Variants in PLXDC2 observed in about 807,000 individuals in gnomAD.
PLXDC2 encodes plexin domain containing 2.
PLXDC2 carries 40 observed loss-of-function variants against 68.9 expected under a neutral mutation model. The observed-to-expected ratio is 0.58, with a 90% confidence interval of 0.45 to 0.76. PLXDC2 has a LOEUF of 0.76. Among genes scored for constraint, PLXDC2 ranks in the 30% least tolerant of loss-of-function variants. The pLI is 0.00. For synonymous variants in PLXDC2, 243 were observed against 234.2 expected, an observed-to-expected ratio of 1.04 and a Z score of -0.34; for missense variants, 644 against 661.9, an observed-to-expected ratio of 0.97 and a Z score of 0.30.
chr10:20,261,061 G>A (rs1392993307), intron 13 of PLXDC2, among the ~76,000 whole-genome samples: 21 of 152,040 alleles, frequency 1.4e-4, no homozygotes, highest in Admixed American at 1.4e-3. Context: ...TTTATATTGA[G>A]TTGTGTGAGT....
chr10:20,167,693 A>G (rs1010526549), intron 7 of PLXDC2, among the ~76,000 whole-genome samples: 2 of 152,066 alleles, frequency 1.3e-5, no homozygotes, highest in Admixed American at 6.6e-5. Flanking sequence ...TATTCTATTA[A>G]TCATTTTAGT....
chr10:19,910,683 A>C (rs1833253973), intron 1 of PLXDC2, among the ~76,000 whole-genome samples: 1 of 146,712 alleles, frequency 6.8e-6, no homozygotes, highest in South Asian at 2.1e-4. Flanking sequence ...AGAACATTCC[A>C]TGCCTATCCC....
chr10:19,970,849 C>A (rs1002549381), intron 1 of PLXDC2, among the ~76,000 whole-genome samples: 1 of 152,148 alleles, frequency 6.6e-6, no homozygotes, highest in Middle Eastern at 3.2e-3. Flanking sequence ...TGGTGTTGCA[C>A]TGATGCCCCT....
chr10:20,267,188 C>T (rs190341737), intron 13 of PLXDC2, among the ~76,000 whole-genome samples: 13 of 152,086 alleles, frequency 8.5e-5, no homozygotes, highest in Middle Eastern at 3.4e-3. Context: ...ATGCATAAAG[C>T]GAAAGTGGTG....
chr10:20,253,050 A>G (rs1046170505), intron 13 of PLXDC2, among the ~76,000 whole-genome samples: 1 of 152,036 alleles, frequency 6.6e-6, no homozygotes, highest in Non-Finnish European at 1.5e-5. Flanking sequence ...ATAAATAAAA[A>G]AAGACTGCTC....
In PLXDC2 at chr10:19,831,649, G is replaced by A. The variant is rs148285586; in HGVS notation, c.112+14458G>A. On this transcript the variant is annotated intron_variant, in intron 1 of 13. Coordinates refer to ENST00000377252, the MANE Select transcript of PLXDC2 (RefSeq NM_032812.9). ...CTCTTTGTGCCCATGTGTTCTCATC[G>A]TTTAGCTCCCACTTATAAGTAAGAA... is the stretch of plus-strand genomic sequence containing the variant. Among the ~76,000 whole-genome samples, 464 of 152,128 alleles carry A rather than the reference G, an allele frequency of 3.1e-3. 2 individuals are homozygous for A. Among genetic ancestry groups the A allele is most frequent in the African/African-American group, 0.011 (443 of 41,520 alleles).
At chr10:20,223,323 T>TTC (rs1332080048) in intron 12 of PLXDC2, among the ~76,000 whole-genome samples, 1 of 150,402 alleles carries the variant, frequency 6.6e-6, no homozygotes, top group Non-Finnish European at 1.5e-5. Context: ...TTTTTTTTTT[T>TTC]TTTTTTTGAG....
intron 2 of PLXDC2, among the ~76,000 whole-genome samples, chr10:20,004,341 A>G (rs1344884520): frequency 6.6e-6 from 1 of 152,222 alleles, no homozygotes; most frequent in Non-Finnish European, 1.5e-5. Flanking sequence ...CAGAAGTCTT[A>G]TGATATCTAT....
intron 4 of PLXDC2, among the ~76,000 whole-genome samples, chr10:20,142,802 G>GA (rs912417007): frequency 2.3e-4 from 32 of 141,094 alleles, no homozygotes; most frequent in Middle Eastern, 3.8e-3. Context: ...CAACTTTCAA[G>GA]AAAAAAAAAA....
intron 2 of PLXDC2, among the ~76,000 whole-genome samples, chr10:20,005,573 A>C (rs1835013455): frequency 6.6e-6 from 1 of 152,164 alleles, no homozygotes; most frequent in Non-Finnish European, 1.5e-5. Context: ...TGGCTCCAGC[A>C]TCTGCTTGGC....
At chr10:19,904,329 G>A (rs1589528697) in intron 1 of PLXDC2, among the ~76,000 whole-genome samples, 1 of 151,912 alleles carries the variant, frequency 6.6e-6, no homozygotes, top group East Asian at 1.9e-4. Context: ...CATTTCTCAG[G>A]TCTAGTAGTA....
chr10:20,034,375 A>T (rs1835546149), intron 2 of PLXDC2, among the ~76,000 whole-genome samples: 6 of 152,166 alleles, frequency 3.9e-5, no homozygotes, highest in Admixed American at 3.9e-4. Context: ...ATAATTCTCT[A>T]TGCTGGCATA....
intron 13 of PLXDC2, among the ~76,000 whole-genome samples, chr10:20,253,157 G>C (rs185131735): frequency 1.3e-5 from 2 of 151,916 alleles, no homozygotes; most frequent in African/African-American, 4.8e-5. Context: ...TTGAAATCAG[G>C]AGTTTGAGAC....
chr10:19,919,554 A>G (rs11596680), intron 1 of PLXDC2, among the ~76,000 whole-genome samples: 39,156 of 152,248 alleles, frequency 0.26, 5,713 homozygotes, highest in Middle Eastern at 0.37. Context: ...CAGTTAAAAA[A>G]CAAGAAGCAA....
intron 4 of PLXDC2, among the ~76,000 whole-genome samples, chr10:20,079,786 G>C (rs1191955409): frequency 6.6e-6 from 1 of 152,066 alleles, no homozygotes; most frequent in Non-Finnish European, 1.5e-5. Flanking sequence ...CCCGTCAGGG[G>C]GTAGGGGACA....
chr10:20,005,882 T>C (rs1835019908), intron 2 of PLXDC2, among the ~76,000 whole-genome samples: 1 of 152,100 alleles, frequency 6.6e-6, no homozygotes, highest in East Asian at 1.9e-4. Context: ...GTTTTACGTA[T>C]CCTGGCTCTT....
chr10:20,239,595 C>G (rs900329669), intron 12 of PLXDC2, among the ~76,000 whole-genome samples: 2 of 152,122 alleles, frequency 1.3e-5, no homozygotes, highest in African/African-American at 4.8e-5. Context: ...CACCCATGAT[C>G]CAATCACCTC....
At position 20,176,996 on chromosome 10, in the gene PLXDC2, T is replaced by C; in HGVS notation, c.884-3T>C. 2 of 1,583,818 alleles carry C rather than the reference T, an allele frequency of 1.3e-6. No individual in the cohort carries two copies. The highest frequency in any genetic ancestry group is 2.3e-5 in the South Asian group (2 of 86,972). The stretch of plus-strand genomic sequence containing the variant: ...AATTGATTTTTTTTCCTTTTTTTTC[T>C]AGATGTTCGAAGAAGAACAATTTAT... On this transcript the variant is annotated splice_polypyrimidine_tract_variant and splice_region_variant and intron_variant, in intron 7 of 13. Transcript: ENST00000377252.
At chr10:20,205,534 A>G (rs777387636) in intron 9 of PLXDC2, among the ~76,000 whole-genome samples, 9 of 152,098 alleles carry the variant, frequency 5.9e-5, no homozygotes, top group Non-Finnish European at 1.2e-4. Flanking sequence ...CCCAAAAATG[A>G]TAAGGGACTT....
Sources: allele counts gnomAD v4.1 joint callset (sites outside exome capture counted in the v4.1 genomes callset), GRCh38; gene constraint gnomAD v4.1.1; transcripts MANE v1.5; gene names NCBI Gene and HGNC (gene_info 2026-07-23, HGNC 2026-07-21).